Variants in PKP4 observed in about 807,000 individuals in gnomAD.
PKP4 encodes plakophilin 4.
A neutral mutation model predicts 145.1 loss-of-function variants in PKP4; 90 were observed. The ratio of observed to expected loss-of-function variants is 0.62; its 90% CI spans 0.52 to 0.74. PKP4 has a LOEUF of 0.74. PKP4 is among the 30% of genes least tolerant of loss of function. PKP4 has a pLI of 0.00. For synonymous variants in PKP4, 563 were observed against 577.2 expected, an observed-to-expected ratio of 0.98 and a Z score of 0.35; for missense variants, 1,340 against 1,482.7, an observed-to-expected ratio of 0.90 and a Z score of 1.58.
intron 12 of PKP4, chr2:158,660,092 C>G (rs2056409586): frequency 6.6e-6 from 1 of 152,638 alleles, no homozygotes; most frequent in Non-Finnish European, 1.5e-5. Flanking sequence ...AATAAGGATA[C>G]ACCTAGATCT....
intron 2 of PKP4, among the ~76,000 whole-genome samples, chr2:158,549,798 T>C (rs906168840): frequency 1.3e-5 from 2 of 152,178 alleles, no homozygotes; most frequent in Admixed American, 6.5e-5. Flanking sequence ...ATTCCGATGA[T>C]TTTATTGAAG....
At chr2:158,535,434 G>A (rs1341555510) in intron 2 of PKP4, among the ~76,000 whole-genome samples, 1 of 151,980 alleles carries the variant, frequency 6.6e-6, no homozygotes, top group Non-Finnish European at 1.5e-5. Flanking sequence ...TTTAGAGCTG[G>A]GGTCTTGCTC....
At chr2:158,659,697 C>G (rs2056368702) in intron 12 of PKP4, 1 of 152,212 alleles carries the variant, frequency 6.6e-6, no homozygotes, top group South Asian at 2.1e-4. Flanking sequence ...AGTCATAGGC[C>G]AGTCAAGGAA....
intron 3 of PKP4, among the ~76,000 whole-genome samples, chr2:158,597,926 T>C (rs4664983): frequency 0.72 from 108,971 of 151,852 alleles, 40,251 homozygotes; most frequent in Non-Finnish European, 0.8. Context: ...GCTCAGGCAA[T>C]CTTCTCACCT....
chr2:158,543,216 G>C (rs895325253), intron 2 of PKP4, among the ~76,000 whole-genome samples: 3 of 152,040 alleles, frequency 2.0e-5, no homozygotes, highest in Non-Finnish European at 4.4e-5. Context: ...AGCATCTCTA[G>C]TCCAAAATAT....
intron 1 of PKP4, among the ~76,000 whole-genome samples, chr2:158,464,849 G>A (rs1404047043): frequency 6.6e-6 from 1 of 152,262 alleles, no homozygotes; most frequent in Non-Finnish European, 1.5e-5. Flanking sequence ...CAAGTGAGGG[G>A]ACTGTAGACA....
chr2:158,585,790 T>TA (rs886548573), intron 3 of PKP4, among the ~76,000 whole-genome samples: 2 of 150,442 alleles, frequency 1.3e-5, no homozygotes, highest in African/African-American at 4.9e-5. Flanking sequence ...TCACATACCA[T>TA]AAAATCCATA....
rs928392967 is a variant in PKP4 at position 158,625,485 on chromosome 2, T to G, written c.1153+58T>G. 1.2e-5 allele frequency: 16 copies of G among 1,374,358 alleles called. No individual in the cohort carries two copies. In the African/African-American group the frequency reaches 1.6e-4, roughly 14 times the overall value. 85.1% of individuals were successfully genotyped at this position (1,374,358 alleles called of 1,614,324 possible). The stretch of plus-strand genomic sequence containing the variant: ...CAGTGAGGAAATCTTCTGTGTAACT[T>G]AAGTTGAAACAAAGAATGAAAAGGT... On this transcript the variant is annotated intron_variant, in intron 7 of 21. Coordinates refer to ENST00000389759, the MANE Select transcript of PKP4 (RefSeq NM_003628.6).
intron 19 of PKP4, among the ~76,000 whole-genome samples, chr2:158,674,695 A>C (rs928349828): frequency 6.6e-6 from 1 of 152,200 alleles, no homozygotes; most frequent in Non-Finnish European, 1.5e-5. Flanking sequence ...ATTTTTTTAC[A>C]TGTAAGGGCA....
rs1376838829 is a variant in PKP4, at chr2:158,602,177, G to A, written c.246-893G>A. 3.3e-5 allele frequency among the ~76,000 whole-genome samples: 5 copies of A among 152,266 alleles called. No homozygotes were observed. The East Asian group carries it at 5.8e-4, about 18-fold the overall frequency. On this transcript the variant is annotated intron_variant, in intron 3 of 21. Transcript: ENST00000389759. ...CTGTATGTGTTTAATGCAAAAATGG[G>A]ATCACAAGCTGTTCTGCCAGGTAGC...
intron 15 of PKP4, among the ~76,000 whole-genome samples, chr2:158,664,053 A>G (rs948722206): frequency 7.9e-5 from 12 of 152,368 alleles, no homozygotes; most frequent in African/African-American, 2.4e-4. Flanking sequence ...ACCTACACAC[A>G]GGAGGGACTA....
intron 1 of PKP4, among the ~76,000 whole-genome samples, chr2:158,532,346 A>G (rs766140676): frequency 4.1e-4 from 63 of 152,336 alleles, no homozygotes; most frequent in Non-Finnish European, 7.1e-4. Flanking sequence ...CTGAAAATAT[A>G]TCATCCTTCA....
intron 11 of PKP4, among the ~76,000 whole-genome samples, chr2:158,648,517 A>G (rs2055039010): frequency 6.6e-6 from 1 of 152,206 alleles, no homozygotes; most frequent in Admixed American, 6.5e-5. Flanking sequence ...TTTACGAAGC[A>G]TGTCCCCTTA....
intron 4 of PKP4, among the ~76,000 whole-genome samples, chr2:158,611,995 A>G (rs2051188810): frequency 6.6e-6 from 1 of 151,338 alleles, no homozygotes. Flanking sequence ...CTGTTTTAAG[A>G]TGAAAATAAG....
At chr2:158,511,157 C>G (rs559803755) in intron 1 of PKP4, among the ~76,000 whole-genome samples, 2 of 152,158 alleles carry the variant, frequency 1.3e-5, no homozygotes, top group African/African-American at 4.8e-5. Flanking sequence ...GAGACCAAGG[C>G]GAGCGGATCA....
chr2:158,512,157 T>A (rs961126604), intron 1 of PKP4, among the ~76,000 whole-genome samples: 2 of 152,188 alleles, frequency 1.3e-5, no homozygotes, highest in African/African-American at 4.8e-5. Context: ...ATATACAAAA[T>A]TGGAATAATT....
intron 6 of PKP4, 29 bp downstream of exon 6, chr2:158,621,450 A>G (rs771197756): frequency 6.3e-7 from 1 of 1,594,122 alleles, no homozygotes; most frequent in African/African-American, 1.3e-5. Context: ...GATCTCTGCA[A>G]AGAAATACCT....
intron 7 of PKP4, among the ~76,000 whole-genome samples, chr2:158,629,528 G>A (rs1366322513): frequency 6.6e-6 from 1 of 152,120 alleles, no homozygotes; most frequent in East Asian, 1.9e-4. Flanking sequence ...AACCCACATT[G>A]ATTCGTTTAG....
chr2:158,654,676 T>C (rs1257071311), intron 11 of PKP4, among the ~76,000 whole-genome samples: 7 of 152,120 alleles, frequency 4.6e-5, no homozygotes, highest in Admixed American at 4.6e-4. Flanking sequence ...AAAACTATGC[T>C]GACAAATTTT....
Sources: gnomAD v4.1 joint callset for allele counts (sites outside exome capture counted in the v4.1 genomes callset) on GRCh38, gnomAD v4.1.1 for gene constraint, MANE v1.5 for transcripts, NCBI Gene and HGNC (gene_info 2026-07-23, HGNC 2026-07-21) for gene names.